LAT2: variants seen among roughly 807,000 people sequenced by gnomAD.
The protein encoded by LAT2 is linker for activation of T-cells family member 2.
Under a neutral mutation model 43.4 loss-of-function variants are expected in LAT2, and 23 were observed. That is an observed-to-expected ratio of 0.53 (90% CI 0.38 to 0.75). LAT2 has a LOEUF of 0.75. Ranked by LOEUF, LAT2 falls within the 30% of genes least tolerant of loss-of-function variation. The pLI is 0.00. For synonymous variants in LAT2, 128 were observed against 123.2 expected, an observed-to-expected ratio of 1.04 and a Z score of -0.26; for missense variants, 284 against 310.2, an observed-to-expected ratio of 0.92 and a Z score of 0.64.
In LAT2 at chr7:74,220,760, C is replaced by A; in HGVS notation, c.332+26C>A. ...GTGAGTGACCTTGATCCTGTCCCCCCTGCCTCGCCTCTCCCCCTGCCCCAC... is the reference window on the plus strand; with the variant it reads ...GTGAGTGACCTTGATCCTGTCCCCCATGCCTCGCCTCTCCCCCTGCCCCAC... On this transcript the variant is annotated intron_variant, in intron 9 of 13. Coordinates refer to ENST00000460943, the MANE Select transcript of LAT2 (RefSeq NM_032464.3). This position sits in a 1 kb window ranked among gnomAD's most constrained non-coding sequence, Gnocchi z 4.5. 2.0e-6 allele frequency: 3 copies of A among 1,511,780 alleles called. No homozygotes were observed. The highest frequency in any genetic ancestry group is 1.3e-5 in the South Asian group (1 of 79,840). 93.6% of individuals were successfully genotyped at this position (1,511,780 alleles called of 1,614,324 possible).
At chr7:74,223,919 C>G in intron 11 of LAT2, 99 bp from the exon 12 acceptor site, 1 of 1,477,878 alleles carries the variant, frequency 6.8e-7, no homozygotes, top group African/African-American at 1.4e-5. Flanking sequence ...AGGTACCTTT[C>G]GGTAGAGCCT....
intron 1 of LAT2, among the ~76,000 whole-genome samples, chr7:74,211,028 C>T (rs923208536): frequency 6.6e-6 from 1 of 152,230 alleles, no homozygotes; most frequent in South Asian, 2.1e-4. Flanking sequence ...AGAACTTCCC[C>T]GAAGCCAGCT....
chr7:74,224,509 C>T lies in LAT2; in HGVS notation c.629-130C>T, dbSNP rs55973656. The stretch of plus-strand genomic sequence containing the variant: ...TCCCAGAGACAGGACAGACACACAC[C>T]GCCAGGACCTGTCGGGCGTGGCATT... On this transcript the variant is annotated intron_variant, in intron 12 of 13. Transcript: ENST00000460943. 7,905 of 779,756 alleles carry T rather than the reference C, an allele frequency of 0.01. 409 individuals are homozygous for T. In the African/African-American group the frequency reaches 0.11, roughly 11 times the overall value. 48.3% of individuals were successfully genotyped at this position (779,756 alleles called of 1,614,324 possible).
intron 10 of LAT2, among the ~76,000 whole-genome samples, chr7:74,223,450 G>A (rs1554715576): frequency 6.6e-6 from 1 of 152,156 alleles, no homozygotes; most frequent in African/African-American, 2.4e-5. Context: ...GACTTTGCCA[G>A]TGCTCTCCAG....
At chr7:74,213,278 T>C (rs1470474272) in intron 1 of LAT2, among the ~76,000 whole-genome samples, 1 of 145,140 alleles carries the variant, frequency 6.9e-6, no homozygotes, top group African/African-American at 2.6e-5. Flanking sequence ...CCACCACACC[T>C]GGCTAATTTT....
At chr7:74,223,848 C>T (rs1403130966) in intron 11 of LAT2, 65 bp downstream of exon 11, 2 of 1,545,252 alleles carry the variant, frequency 1.3e-6, no homozygotes, top group African/African-American at 2.7e-5. Context: ...CCAGGTGCCC[C>T]TGCACTCCCC....
intron 4 of LAT2, among the ~76,000 whole-genome samples, chr7:74,219,412 A>AC (rs1802176441): frequency 6.6e-6 from 1 of 150,928 alleles, no homozygotes; most frequent in African/African-American, 2.4e-5. Context: ...CTGTCCACAG[A>AC]CCCCTCCTGA....
rs201707855 is a variant in LAT2, at chr7:74,219,745, C to A, written c.136C>A (p.Arg46Ser). 1 of 1,614,128 alleles carries A rather than the reference C, an allele frequency of 6.2e-7. No homozygotes were observed. Among genetic ancestry groups the A allele is most frequent in the Non-Finnish European group, 8.5e-7 (1 of 1,180,016 alleles). Residue 46 changes from arginine to serine, a missense_variant and splice_region_variant, in exon 5 of 14, where the codon CGT (arginine) becomes AGT (serine). Coordinates refer to ENST00000460943, the MANE Select transcript of LAT2 (RefSeq NM_032464.3). The stretch of plus-strand genomic sequence containing the variant: ...TCAGCACAGCCCATGCATTTCCAGG[C>A]GTGAGGACCAACAGAGCTTTACGGG... The part of the protein sequence containing the change: ...SEKIYQQRSL[R>S]EDQQSFTGSR...
intron 1 of LAT2, among the ~76,000 whole-genome samples, chr7:74,211,282 C>T (rs1171260332): frequency 6.6e-6 from 1 of 151,952 alleles, no homozygotes; most frequent in Non-Finnish European, 1.5e-5. Flanking sequence ...AGAGAGAGAG[C>T]ACAGAATTTT....
At chr7:74,219,009 C>CTTTTTTTT (rs781806954) in intron 4 of LAT2, among the ~76,000 whole-genome samples, 2 of 48,804 alleles carry the variant, frequency 4.1e-5, no homozygotes, top group African/African-American at 1.4e-4. Flanking sequence ...AGAGTGTGTG[C>CTTTTTTTT]TTTTTTTTTT....
intron 4 of LAT2, among the ~76,000 whole-genome samples, chr7:74,219,392 C>T (rs1802175033): frequency 6.6e-6 from 1 of 152,168 alleles, no homozygotes; most frequent in Non-Finnish European, 1.5e-5. Flanking sequence ...TCAGGGCTAC[C>T]TCCACAGCCC....
intron 1 of LAT2, among the ~76,000 whole-genome samples, chr7:74,214,255 T>TATATATGAAAATATATATATAA (rs1563967025): frequency 7.8e-4 from 36 of 46,364 alleles, no homozygotes; most frequent in East Asian, 1.7e-3. Context: ...TATATATAAA[T>TATATATGAAAATATATATATAA]ATATATATAT....
At chr7:74,214,361 AATATAT>A (rs60209778) in intron 1 of LAT2, among the ~76,000 whole-genome samples, 1 of 43,938 alleles carries the variant, frequency 2.3e-5, no homozygotes, top group Non-Finnish European at 4.0e-5. Flanking sequence ...TATATATATA[AATATAT>A]ATATATGAAA....
At chr7:74,222,382 CAG>C (rs554404562) in intron 10 of LAT2, among the ~76,000 whole-genome samples, 2 of 148,126 alleles carry the variant, frequency 1.4e-5, no homozygotes, top group South Asian at 2.1e-4. Flanking sequence ...GCCTGGGCAA[CAG>C]AGTGAGACTC....
At position 74,220,766 on chromosome 7, in the gene LAT2, C is replaced by G; in HGVS notation, c.332+32C>G. 6.7e-7 allele frequency: 1 copy of G among 1,493,126 alleles called. No individual in the cohort carries two copies. Among genetic ancestry groups the G allele is most frequent in the South Asian group, 1.3e-5 (1 of 77,180 alleles). 92.5% of individuals were successfully genotyped at this position (1,493,126 alleles called of 1,614,324 possible). A position where few individuals can be genotyped will look rare whatever the true frequency, so the allele number is the denominator to read the frequency against. On this transcript the variant is annotated intron_variant, in intron 9 of 13. Transcript: ENST00000460943. The surrounding 1 kb of genome is among the most constrained non-coding windows in gnomAD (Gnocchi z 4.5). The stretch of plus-strand genomic sequence containing the variant: ...GACCTTGATCCTGTCCCCCCTGCCT[C>G]GCCTCTCCCCCTGCCCCACCTCTCC...
chr7:74,214,115 AATATATATATAAAT>A, intron 1 of LAT2, among the ~76,000 whole-genome samples: 1 of 104,710 alleles, frequency 9.6e-6, no homozygotes, highest in Admixed American at 1.3e-4. Context: ...TATATATGAA[AATATATATATAAAT>A]ATATATATGA....
rs1169048307 is a variant in LAT2, at chr7:74,213,476, G to A, written c.-218-1346G>A. ...GTCTCGCTCTGTTGCCCAGGCTGGA[G>A]TGCAGTGGCATGATCTCGGCCCACT... On this transcript the variant is annotated intron_variant, in intron 1 of 13. Coordinates refer to ENST00000460943, the MANE Select transcript of LAT2 (RefSeq NM_032464.3). Among the ~76,000 whole-genome samples, 6 of 145,214 alleles carry A rather than the reference G, an allele frequency of 4.1e-5. No individual in the cohort carries two copies. The East Asian group carries it at 1.0e-3, about 24-fold the overall frequency.
In LAT2 at chr7:74,224,069, CACTGGCCCTGAAG is replaced by C. The variant is rs782331854; in HGVS notation, c.509_521del (p.Leu170ProfsTer61). ...CTCTGCAGAGGGGACCTCAGCCTGT[CACTGGCCCTGAAG>C]ACTGGCCCCACTTCTGGTCTCTGTC... On this transcript the variant is annotated frameshift_variant, in exon 12 of 14. Coordinates refer to ENST00000460943, the MANE Select transcript of LAT2 (RefSeq NM_032464.3). LOFTEE classifies it high-confidence loss of function. 4.3e-6 allele frequency: 7 copies of C among 1,614,060 alleles called. No individual in the cohort carries two copies. Among genetic ancestry groups the C allele is most frequent in the Non-Finnish European group, 5.9e-6 (7 of 1,180,036 alleles).
Position 74,221,718 on chromosome 7 carries a change from T to C in LAT2, c.388+26T>C, listed in dbSNP as rs200399943. ...GTGAGGCGAAGGACAAAGCCGGAGG[T>C]GGAGGAAGTGGTGTGGGAGCTCAGG... On this transcript the variant is annotated intron_variant, in intron 10 of 13. Transcript: ENST00000460943. The C allele has an allele frequency of 1.4e-5, 23 of 1,600,266 alleles. No homozygotes were observed. The South Asian group carries it at 2.0e-4, about 14-fold the overall frequency.
Sources: gnomAD v4.1 joint callset for allele counts (sites outside exome capture counted in the v4.1 genomes callset) on GRCh38, gnomAD v4.1.1 for gene constraint, Gnocchi (gnomAD v3.1) non-coding constraint, MANE v1.5 for transcripts, NCBI Gene and HGNC (gene_info 2026-07-23, HGNC 2026-07-21) for gene names.